The following KDM2B variants were observed in gnomAD, a reference collection of about 807,000 sequenced individuals.
KDM2B encodes the protein lysine-specific demethylase 2B.
KDM2B carries 26 observed loss-of-function variants against 150.0 expected under a neutral mutation model. The observed-to-expected ratio is 0.17, with a 90% CI of 0.13 to 0.24. The LOEUF (loss-of-function observed/expected upper bound fraction) is 0.24, where lower values mean the gene tolerates loss of function less well. Among genes scored for constraint, KDM2B ranks in the 10% least tolerant of loss-of-function variants. The probability of loss-of-function intolerance (pLI) is 1.00; values close to 1 mark genes in which losing one functional copy is unlikely to be tolerated. For synonymous variants in KDM2B, 734 were observed against 729.5 expected, an observed-to-expected ratio of 1.01 and a Z score of -0.10; for missense variants, 1,265 against 1,816.9, an observed-to-expected ratio of 0.70 and a Z score of 5.52.
intron 8 of KDM2B, among the ~76,000 whole-genome samples, chr12:121,532,217 C>T (rs1396186853): frequency 1.3e-5 from 2 of 152,258 alleles, no homozygotes; most frequent in South Asian, 2.1e-4. Context: ...AGAATGCTTC[C>T]ATTAATGCAA....
chr12:121,513,957 C>T lies in KDM2B; in HGVS notation c.1048-555G>A, dbSNP rs1555304476. On this transcript the variant is annotated intron_variant, in intron 9 of 22. Transcript: ENST00000377071. This position sits in a 1 kb window ranked among gnomAD's most constrained non-coding sequence, Gnocchi z 5.0. ...TAAGAGTGAGGGGGTGTGGCCTCGC[C>T]TACCTCCAGGGGTGGGGCCTTGAAG... 6.6e-6 allele frequency among the ~76,000 whole-genome samples: 1 copy of T among 152,166 alleles called. No individual in the cohort carries two copies. Among genetic ancestry groups the T allele is most frequent in the African/African-American group, 2.4e-5 (1 of 41,430 alleles).
At chr12:121,511,162 C>T (rs782179437) in intron 10 of KDM2B, among the ~76,000 whole-genome samples, 55 of 151,628 alleles carry the variant, frequency 3.6e-4, no homozygotes, top group South Asian at 8.4e-4. Context: ...AGGTGAACCA[C>T]CACACCCAGC....
chr12:121,538,120 T>C (rs1888309864), intron 6 of KDM2B, among the ~76,000 whole-genome samples: 1 of 151,240 alleles, frequency 6.6e-6, no homozygotes, highest in Non-Finnish European at 1.5e-5. Context: ...CCTGCGCTCA[T>C]GCCCGCGCTG....
intron 4 of KDM2B, among the ~76,000 whole-genome samples, chr12:121,560,404 A>C (rs533607204): frequency 3.4e-4 from 52 of 152,136 alleles, no homozygotes; most frequent in Non-Finnish European, 5.3e-4. Flanking sequence ...CCCCTTCTTC[A>C]AACAGAAGCT....
chr12:121,426,746 C>T (rs1311627294), downstream of KDM2B, among the ~76,000 whole-genome samples: 3 of 150,822 alleles, frequency 2.0e-5, no homozygotes, highest in African/African-American at 7.3e-5. Context: ...CTGCCTTTTC[C>T]TCCTGAGTAG....
the KDM2B span, among the ~76,000 whole-genome samples, chr12:121,421,377 A>C: frequency 7.0e-6 from 1 of 143,452 alleles, no homozygotes; most frequent in East Asian, 2.0e-4. Flanking sequence ...TCTCTAAAAA[A>C]AAAAAAAAAA....
chr12:121,442,493 T>TCCTCGC lies in KDM2B; in HGVS notation c.2942_2947dup (p.Gly981_Glu982dup). 6.3e-7 allele frequency: 1 copy of TCCTCGC among 1,599,450 alleles called. No homozygotes were observed. The highest frequency in any genetic ancestry group is 8.5e-7 in the Non-Finnish European group (1 of 1,179,798). ...GCAGATGCCCGGGGGCCGCTTGGGCTCCTCGCCCTCGCTCTCAGGCTCCGA... is the reference window on the plus strand; with the variant it reads ...GCAGATGCCCGGGGGCCGCTTGGGCTCCTCGCCCTCGCCCTCGCTCTCAGGCTCCGA... On this transcript the variant is annotated inframe_insertion, in exon 19 of 23. Coordinates refer to ENST00000377071, the MANE Select transcript of KDM2B (RefSeq NM_032590.5). This position sits in a 1 kb window ranked among gnomAD's most constrained non-coding sequence, Gnocchi z 7.7.
chr12:121,472,037 C>T (rs183976120), intron 12 of KDM2B, among the ~76,000 whole-genome samples: 256 of 152,180 alleles, frequency 1.7e-3, no homozygotes, highest in Non-Finnish European at 3.3e-3. Flanking sequence ...GCAGGAGAAT[C>T]GCTTGAGCCT....
intron 12 of KDM2B, among the ~76,000 whole-genome samples, chr12:121,458,728 T>G (rs11065582): frequency 0.35 from 53,361 of 151,074 alleles, 10,100 homozygotes; most frequent in East Asian, 0.44. Flanking sequence ...TTGAACCCAG[T>G]GGGTGGAGGT....
At chr12:121,411,222 C>T in the KDM2B span, among the ~76,000 whole-genome samples, 6 of 152,288 alleles carry the variant, frequency 3.9e-5, 1 homozygote, top group Admixed American at 2.0e-4. Context: ...GCCACCATTC[C>T]TGGCCTGTTT....
At chr12:121,579,820 CTA>C (rs1417547734) in intron 1 of KDM2B, among the ~76,000 whole-genome samples, 2 of 151,224 alleles carry the variant, frequency 1.3e-5, no homozygotes, top group African/African-American at 2.4e-5. Context: ...GTCTGAGACT[CTA>C]AGCCTCACAA....
At chr12:121,545,225 A>G (rs954463812) in intron 6 of KDM2B, among the ~76,000 whole-genome samples, 36 of 152,156 alleles carry the variant, frequency 2.4e-4, no homozygotes, top group Non-Finnish European at 8.8e-5. Context: ...AAACAAATGG[A>G]CTATTTCCAA....
Position 121,509,954 on chromosome 12 carries a change from C to T in KDM2B, c.1260G>A (p.Gln420=). 1 of 1,610,460 alleles carries T rather than the reference C, an allele frequency of 6.2e-7. No homozygotes were observed. The highest frequency in any genetic ancestry group is 8.5e-7 in the Non-Finnish European group (1 of 1,178,362). The change falls in exon 11 of 23, where the codon CAG becomes CAA. Residue 420 remains glutamine (Q), a synonymous_variant. Coordinates refer to ENST00000377071, the MANE Select transcript of KDM2B (RefSeq NM_032590.5). The part of the protein sequence containing the change: ...MEEEACDQQP[Q]EEEEKDEEGE... ...CCTCCTCGTCCTTCTCCTCCTCCTC[C>T]TGAGGCTGCTGATCACAGGCCTCCT...
chr12:121,529,831 G>A (rs1555307528), intron 8 of KDM2B, among the ~76,000 whole-genome samples: 1 of 151,656 alleles, frequency 6.6e-6, no homozygotes, highest in African/African-American at 2.4e-5. Flanking sequence ...TAGGGAGGCT[G>A]AGGCAGGAGA....
At chr12:121,571,048 C>A (rs558485977) in intron 4 of KDM2B, among the ~76,000 whole-genome samples, 1 of 152,230 alleles carries the variant, frequency 6.6e-6, no homozygotes, top group South Asian at 2.1e-4. Context: ...ACATGGATTG[C>A]CTTGAGAACA....
chr12:121,500,499 C>T (rs1255971069), intron 11 of KDM2B, among the ~76,000 whole-genome samples: 1 of 152,198 alleles, frequency 6.6e-6, no homozygotes, highest in African/African-American at 2.4e-5. Context: ...ACAATGGATT[C>T]GGGTCCCACT....
chr12:121,413,076 A>AG, the KDM2B span, among the ~76,000 whole-genome samples: 5 of 151,170 alleles, frequency 3.3e-5, no homozygotes, highest in Non-Finnish European at 5.9e-5. Flanking sequence ...CCCAAGCTGG[A>AG]GTGCAATGGT....
At chr12:121,534,821 G>C (rs942127844) in intron 6 of KDM2B, among the ~76,000 whole-genome samples, 16 of 152,150 alleles carry the variant, frequency 1.1e-4, no homozygotes, top group African/African-American at 3.9e-4. Context: ...CCAGAGGCTG[G>C]GAGTGATACA....
At chr12:121,491,401 T>C (rs1477954091) in intron 12 of KDM2B, among the ~76,000 whole-genome samples, 2 of 152,192 alleles carry the variant, frequency 1.3e-5, no homozygotes, top group African/African-American at 4.8e-5. Flanking sequence ...CTGGTGGTCA[T>C]TTATTTTCAG....
Sources: allele counts gnomAD v4.1 joint callset (sites outside exome capture counted in the v4.1 genomes callset), GRCh38; gene constraint gnomAD v4.1.1; non-coding constraint Gnocchi (gnomAD v3.1); transcripts MANE v1.5; gene names NCBI Gene and HGNC (gene_info 2026-07-23, HGNC 2026-07-21).